SIL1: variants seen among roughly 807,000 people sequenced by gnomAD.
SIL1 encodes SIL1 nucleotide exchange factor, also known as nucleotide exchange factor SIL1.
In SIL1, 40 loss-of-function variants were observed where a neutral mutation model predicts 49.1. The ratio of observed to expected loss-of-function variants is 0.81; its 90% CI spans 0.63 to 1.06. SIL1 has a LOEUF of 1.06. Ranked by LOEUF, SIL1 falls within the 50% of genes least tolerant of loss-of-function variation. The pLI is 0.00. For missense variants in SIL1, 500 were observed against 572.6 expected (o/e 0.87, Z 1.29); for synonymous variants, 253 against 250.8 (o/e 1.01, Z -0.08).
chr5:138,964,322 C>T (rs574640963), intron 7 of SIL1, among the ~76,000 whole-genome samples: 1 of 152,166 alleles, frequency 6.6e-6, no homozygotes, highest in African/African-American at 2.4e-5. Context: ...AATTAACAGC[C>T]GACAGAGACG....
At chr5:139,074,958 G>A (rs1769915382) in intron 3 of SIL1, among the ~76,000 whole-genome samples, 2 of 152,230 alleles carry the variant, frequency 1.3e-5, no homozygotes, top group South Asian at 2.1e-4. Flanking sequence ...CTGAGTAGCT[G>A]GGATTACAGG....
At chr5:138,997,469 T>C (rs1767894475) in intron 7 of SIL1, among the ~76,000 whole-genome samples, 1 of 152,242 alleles carries the variant, frequency 6.6e-6, no homozygotes, top group African/African-American at 2.4e-5. Flanking sequence ...ACCTGGGTTC[T>C]GGGTTCTGTT....
At chr5:139,056,095 C>G (rs1267351936) in intron 3 of SIL1, among the ~76,000 whole-genome samples, 1 of 151,628 alleles carries the variant, frequency 6.6e-6, no homozygotes, top group Non-Finnish European at 1.5e-5. Context: ...GCCGCCACCC[C>G]GTCTGGGAAG....
chr5:139,151,278 CA>C (rs1247599530), intron 1 of SIL1, among the ~76,000 whole-genome samples: 1 of 151,604 alleles, frequency 6.6e-6, no homozygotes, highest in African/African-American at 2.4e-5. Flanking sequence ...AGACCCTGCT[CA>C]AAACTCTCCT....
intron 3 of SIL1, among the ~76,000 whole-genome samples, chr5:139,059,511 A>G (rs1018092058): frequency 2.0e-5 from 3 of 152,232 alleles, no homozygotes; most frequent in Non-Finnish European, 4.4e-5. Flanking sequence ...TATATTCTAA[A>G]CCACATATAC....
chr5:138,957,076 C>G (rs1766918810), intron 7 of SIL1, among the ~76,000 whole-genome samples: 1 of 152,030 alleles, frequency 6.6e-6, no homozygotes, highest in Admixed American at 6.6e-5. Flanking sequence ...GGTCTCTAGA[C>G]CCTACTGACA....
Position 138,951,264 on chromosome 5 carries a change from C to G in SIL1, c.936G>C (p.Gly312=). ...YAQRQFLKLG[G]LQVLRTLVQE... The stretch of plus-strand genomic sequence containing the variant: ...GCACCAGGGTCCTCAGGACCTGCAG[C>G]CCCCCGAGCTTCAGGAACTGCCGCT... The change falls in exon 9 of 10, where the codon GGG becomes GGC. Residue 312 remains glycine, a synonymous_variant. Transcript: ENST00000394817. 6.3e-7 allele frequency: 1 copy of G among 1,586,880 alleles called. No homozygotes were observed. Among genetic ancestry groups the G allele is most frequent in the Non-Finnish European group, 8.6e-7 (1 of 1,165,966 alleles).
At chr5:139,175,423 G>A (rs1751861592) in intron 1 of SIL1, among the ~76,000 whole-genome samples, 1 of 152,146 alleles carries the variant, frequency 6.6e-6, no homozygotes, top group South Asian at 2.1e-4. Flanking sequence ...AATCTACCAA[G>A]ACTGAATCAC....
chr5:139,162,278 A>C (rs914100767), intron 1 of SIL1, among the ~76,000 whole-genome samples: 1 of 152,216 alleles, frequency 6.6e-6, no homozygotes, highest in African/African-American at 2.4e-5. Flanking sequence ...CTGTCTAATG[A>C]CCTTATCTAA....
chr5:139,173,414 A>G (rs999900427), intron 1 of SIL1, among the ~76,000 whole-genome samples: 3 of 151,836 alleles, frequency 2.0e-5, no homozygotes, highest in African/African-American at 7.3e-5. Flanking sequence ...GTTGGGGGTG[A>G]TGACAGGAGC....
chr5:138,958,842 TTTC>T (rs1430501107), intron 7 of SIL1, among the ~76,000 whole-genome samples: 1 of 152,172 alleles, frequency 6.6e-6, no homozygotes, highest in Non-Finnish European at 1.5e-5. Flanking sequence ...TGTCTTTATT[TTTC>T]TTGTTTCTAT....
At chr5:138,973,339 A>G (rs1198283613) in intron 7 of SIL1, among the ~76,000 whole-genome samples, 2 of 152,212 alleles carry the variant, frequency 1.3e-5, no homozygotes, top group East Asian at 3.9e-4. Flanking sequence ...TATAATAAGT[A>G]ATTTAAATAA....
rs190729169 is a variant in SIL1, at chr5:138,976,369, G to A, written c.768-24485C>T. Reference sequence around the variant, plus strand: ...ACTCTGTCACCCAGACTGGAATGCAGTGGCACGATCTCAGCTTACTGCAAC... The same window carrying A: ...ACTCTGTCACCCAGACTGGAATGCAATGGCACGATCTCAGCTTACTGCAAC... On this transcript the variant is annotated intron_variant, in intron 7 of 9. Transcript: ENST00000394817. Among the ~76,000 whole-genome samples the A allele has an allele frequency of 1.1e-4, 16 of 145,322 alleles. No individual in the cohort carries two copies. The Admixed American group carries it at 1.1e-3, about 10-fold the overall frequency.
At chr5:139,104,448 T>C (rs1160718200) in intron 3 of SIL1, among the ~76,000 whole-genome samples, 1 of 152,208 alleles carries the variant, frequency 6.6e-6, no homozygotes, top group Non-Finnish European at 1.5e-5. Flanking sequence ...GGTCCTTTTG[T>C]CTTGTCCAGA....
intron 1 of SIL1, among the ~76,000 whole-genome samples, chr5:139,160,663 C>A (rs900198375): frequency 6.6e-6 from 1 of 151,878 alleles, no homozygotes; most frequent in Non-Finnish European, 1.5e-5. Flanking sequence ...GGTGAAAACC[C>A]GTCTCAAAAT....
chr5:139,004,502 C>A (rs1055382682), intron 7 of SIL1, among the ~76,000 whole-genome samples: 1 of 152,182 alleles, frequency 6.6e-6, no homozygotes, highest in Non-Finnish European at 1.5e-5. Context: ...CATGTGAGAC[C>A]TTTATATTCA....
chr5:138,958,353 A>G (rs1199059767), intron 7 of SIL1, among the ~76,000 whole-genome samples: 1 of 152,244 alleles, frequency 6.6e-6, no homozygotes, highest in African/African-American at 2.4e-5. Flanking sequence ...AGTGATGTCC[A>G]TAAGTCTCAC....
intron 7 of SIL1, among the ~76,000 whole-genome samples, chr5:138,975,364 C>A (rs1767372850): frequency 6.6e-6 from 1 of 152,186 alleles, no homozygotes; most frequent in Admixed American, 6.5e-5. Context: ...CAAGAGGCAG[C>A]TACTGAGCTG....
intron 1 of SIL1, among the ~76,000 whole-genome samples, chr5:139,183,725 C>T (rs567599190): frequency 4.6e-5 from 7 of 152,288 alleles, no homozygotes; most frequent in African/African-American, 1.2e-4. Context: ...AGAGGCCACC[C>T]GGCAAAGGCA....
Sources: allele counts gnomAD v4.1 joint callset (sites outside exome capture counted in the v4.1 genomes callset), GRCh38; gene constraint gnomAD v4.1.1; transcripts MANE v1.5; gene names NCBI Gene and HGNC (gene_info 2026-07-23, HGNC 2026-07-21).